COL4A3: variants seen among roughly 807,000 people sequenced by gnomAD.
The protein encoded by COL4A3 is collagen type IV alpha 3 chain.
COL4A3 carries 135 observed loss-of-function variants against 217.4 expected under a neutral mutation model. That is an observed-to-expected ratio of 0.62 (90% CI 0.54 to 0.72). The LOEUF is 0.72. Ranked by LOEUF, COL4A3 falls within the 30% of genes least tolerant of loss-of-function variation. The pLI is 0.00. For missense variants in COL4A3, 1,868 were observed against 2,119.9 expected (o/e 0.88, Z 2.33); for synonymous variants, 690 against 736.3 (o/e 0.94, Z 1.02).
intron 48 of COL4A3, among the ~76,000 whole-genome samples, chr2:227,308,160 C>A (rs1559922656): frequency 6.6e-6 from 1 of 152,104 alleles, no homozygotes; most frequent in East Asian, 1.9e-4. Context: ...AACAATTTGC[C>A]CCTAAAACTC....
chr2:227,290,179 T>C (rs1352289616), intron 36 of COL4A3, 91 bp downstream of exon 36: 5 of 1,254,238 alleles, frequency 4.0e-6, no homozygotes, highest in South Asian at 1.2e-5. Context: ...GGTTTTCCAC[T>C]TGGTAGAAAG....
intron 32 of COL4A3, among the ~76,000 whole-genome samples, 161 bp from the exon 33 acceptor site, chr2:227,283,606 G>T (rs956200913): frequency 6.6e-6 from 1 of 152,204 alleles, no homozygotes; most frequent in East Asian, 1.9e-4. Context: ...ACCACTTACC[G>T]ACCCATCTCC....
chr2:227,302,782 C>A (rs2073350379), intron 43 of COL4A3, among the ~76,000 whole-genome samples: 1 of 149,164 alleles, frequency 6.7e-6, no homozygotes, highest in Non-Finnish European at 1.5e-5. Context: ...ACAACATACA[C>A]CAACATTAGA....
rs773376814 is a variant in COL4A3, at chr2:227,267,092, C to A, written c.1504+4C>A. 6.8e-6 allele frequency: 11 copies of A among 1,609,238 alleles called. No individual in the cohort carries two copies. The Admixed American group carries it at 1.8e-4, about 27-fold the overall frequency. ...CATGGTGTAAAAGGAATCCCAGGTA[C>A]AAACAATTTGCATGCAAGTGTTTTT... is the stretch of plus-strand genomic sequence containing the variant. On this transcript the variant is annotated splice_donor_region_variant and intron_variant, in intron 23 of 51. Transcript: ENST00000396578.
At chr2:227,247,938 T>C (rs923261169) in intron 8 of COL4A3, among the ~76,000 whole-genome samples, 1 of 152,130 alleles carries the variant, frequency 6.6e-6, no homozygotes. Flanking sequence ...TTCTTTCCAC[T>C]GTAAATTTTT....
chr2:227,310,248 C>T (rs973064710), intron 50 of COL4A3, among the ~76,000 whole-genome samples: 9 of 152,106 alleles, frequency 5.9e-5, no homozygotes, highest in African/African-American at 1.4e-4. Context: ...CATAGCTGCA[C>T]GCAGGTGGTT....
rs772036695 is a variant in COL4A3, at chr2:227,303,946, T to C, written c.4027+16T>C. The C allele has an allele frequency of 6.2e-7, 1 of 1,614,248 alleles. No individual in the cohort carries two copies. ...GGACCACCTGGTAAATAAACGTCCT[T>C]ACTATTGCTGTCAATGAAGAAAGGT... On this transcript the variant is annotated intron_variant, in intron 45 of 51. Transcript: ENST00000396578.
At chr2:227,233,181 T>C (rs931963627) in intron 1 of COL4A3, among the ~76,000 whole-genome samples, 1 of 152,084 alleles carries the variant, frequency 6.6e-6, no homozygotes, top group Non-Finnish European at 1.5e-5. Flanking sequence ...ACCCTGCTAA[T>C]TTTTGTATTT....
In COL4A3 at chr2:227,251,127, T is replaced by C; in HGVS notation, c.547-13T>C. 6.2e-7 allele frequency: 1 copy of C among 1,600,322 alleles called. No homozygotes were observed. ...AAATTTAAACTTACTCTTATTCTTC[T>C]CTCAATTTCAAGGGTTTGCCAGGCC... is the stretch of plus-strand genomic sequence containing the variant. On this transcript the variant is annotated splice_polypyrimidine_tract_variant and intron_variant, in intron 9 of 51. Coordinates refer to ENST00000396578, the MANE Select transcript of COL4A3 (RefSeq NM_000091.5).
chr2:227,307,864 T>C lies in COL4A3; in HGVS notation c.4407T>C (p.Ser1469=), dbSNP rs373720128. 1.8e-5 allele frequency: 29 copies of C among 1,613,990 alleles called. No homozygotes were observed. In the African/African-American group the frequency reaches 3.5e-4, roughly 19 times the overall value. Residue 1469 remains serine, a synonymous_variant, in exon 48 of 52, where the codon AGT becomes AGC. Coordinates refer to ENST00000396578, the MANE Select transcript of COL4A3 (RefSeq NM_000091.5). Reference sequence around the variant, plus strand: ...CAGAGGGGACAGTGCCACTCTACAGTGGGTTTTCTTTTCTTTTTGTACAAG... The same window carrying C: ...CAGAGGGGACAGTGCCACTCTACAGCGGGTTTTCTTTTCTTTTTGTACAAG... The part of the protein sequence containing the change: ...SCPEGTVPLY[S]GFSFLFVQGN...
At position 227,277,480 on chromosome 2, in the gene COL4A3, T is replaced by G. The variant is rs2071651296; in HGVS notation, c.2052T>G (p.Asp684Glu). 3 of 1,612,886 alleles carry G rather than the reference T, an allele frequency of 1.9e-6. No individual in the cohort carries two copies. Among genetic ancestry groups the G allele is most frequent in the Middle Eastern group, 1.6e-4 (1 of 6,062 alleles). Residue 684 changes from aspartate (D) to glutamate (E), a missense_variant, in exon 28 of 52, where the codon GAT (aspartate) becomes GAG (glutamate). Asp to Glu is a conservative substitution (Grantham distance 45). Coordinates refer to ENST00000396578, the MANE Select transcript of COL4A3 (RefSeq NM_000091.5). Reference sequence around the variant, plus strand: ...CTGGATCCCTGGGGAAATGTGGAGATCCTGGTCTTCCAGGGCCTGATGGTG... The same window carrying G: ...CTGGATCCCTGGGGAAATGTGGAGAGCCTGGTCTTCCAGGGCCTGATGGTG... The part of the protein sequence containing the change: ...GIPGSLGKCG[D>E]PGLPGPDGEP...
intron 41 of COL4A3, 98 bp downstream of exon 41, chr2:227,295,414 T>G (rs776090852): frequency 3.1e-5 from 33 of 1,051,570 alleles, no homozygotes; most frequent in Admixed American, 5.1e-5. Flanking sequence ...CCTAGTGAAT[T>G]AAAGATGTTC....
Position 227,182,035 on chromosome 2 carries a change from T to C in COL4A3, c.87+17222T>C, listed in dbSNP as rs1053225355. ...AATCTAAAATATGATTTCCCATAAA[T>C]TGAAGATCTAATTTTTAAAAAATTT... On this transcript the variant is annotated intron_variant, in intron 1 of 51. Transcript: ENST00000396578. Among the ~76,000 whole-genome samples the C allele has an allele frequency of 2.0e-5, 3 of 152,222 alleles. 1 individual carries two copies. The highest frequency in any genetic ancestry group is 7.2e-5 in the African/African-American group (3 of 41,460).
Position 227,273,155 on chromosome 2 carries a change from A to G in COL4A3, c.1927+38A>G, listed in dbSNP as rs775052173. 13 of 1,609,610 alleles carry G rather than the reference A, an allele frequency of 8.1e-6. No individual in the cohort carries two copies. In the African/African-American group the frequency reaches 1.7e-4, roughly 21 times the overall value. On this transcript the variant is annotated intron_variant, in intron 26 of 51. Coordinates refer to ENST00000396578, the MANE Select transcript of COL4A3 (RefSeq NM_000091.5). ...TCTTTCCAGTCCTGTTTTCCGATGGAGTGGGTTGATGGTTTCTAGAGCTAA... is the reference window on the plus strand; with the variant it reads ...TCTTTCCAGTCCTGTTTTCCGATGGGGTGGGTTGATGGTTTCTAGAGCTAA...
In COL4A3 at chr2:227,297,784, C is replaced by A; in HGVS notation, c.3676C>A (p.Pro1226Thr). 1.3e-6 allele frequency: 2 copies of A among 1,584,358 alleles called. No individual in the cohort carries two copies. The highest frequency in any genetic ancestry group is 1.7e-6 in the Non-Finnish European group (2 of 1,165,110). Residue 1226 changes from proline to threonine, a missense_variant, in exon 42 of 52, where the codon CCA becomes ACA. By Grantham distance (38) the Pro-to-Thr change is conservative. Around this residue, in one of 2 missense-constraint regions of COL4A3, gnomAD observed 1,503 missense variants for 1,786.1 expected, o/e 0.84. Coordinates refer to ENST00000396578, the MANE Select transcript of COL4A3 (RefSeq NM_000091.5). ...CACAGGCATAGAAGGATTCCCAGGG[C>A]CACCAGGTCTGCCCGGTGCAATTAT... ...GPTGIEGFPG[P>T]PGLPGAIIPG...
intron 37 of COL4A3, among the ~76,000 whole-genome samples, chr2:227,292,264 C>T (rs1353281542): frequency 1.3e-5 from 2 of 152,148 alleles, no homozygotes; most frequent in African/African-American, 2.4e-5. Context: ...TTAGACACTA[C>T]ACAGACCCAA....
Position 227,284,209 on chromosome 2 carries a change from A to G in COL4A3, c.2747-2A>G. On this transcript the variant is annotated splice_acceptor_variant, in intron 33 of 51. Transcript: ENST00000396578. LOFTEE classifies it high-confidence loss of function. ...CCTGATGTTGTTACTCCTGTCTGTT[A>G]GGGAGCCCTGGAATTCCAGGAGTAA... 1.2e-6 allele frequency: 2 copies of G among 1,614,068 alleles called. No homozygotes were observed. The highest frequency in any genetic ancestry group is 1.7e-6 in the Non-Finnish European group (2 of 1,179,986).
rs1408584869 is a variant in COL4A3 at position 227,269,903 on chromosome 2, T to C, written c.1505-7T>C. On this transcript the variant is annotated splice_polypyrimidine_tract_variant and splice_region_variant and intron_variant, in intron 23 of 51. Coordinates refer to ENST00000396578, the MANE Select transcript of COL4A3 (RefSeq NM_000091.5). ...GAGGAGTTAGTTAATAATTCGTTGA[T>C]TTGCAGGAAGACAAGGCGCAGCTGG... 4.3e-6 allele frequency: 7 copies of C among 1,613,474 alleles called. No individual in the cohort carries two copies. The highest frequency in any genetic ancestry group is 5.9e-6 in the Non-Finnish European group (7 of 1,179,644).
chr2:227,245,147 G>T, intron 5 of COL4A3, 152 bp downstream of exon 5: 1 of 737,802 alleles, frequency 1.4e-6, no homozygotes, highest in East Asian at 2.6e-5. Context: ...CTAGTGTGTG[G>T]ATTTATATGA....
Sources: gnomAD v4.1 joint callset for allele counts (sites outside exome capture counted in the v4.1 genomes callset) on GRCh38, gnomAD v4.1.1 for gene constraint, gnomAD v4.1.1 regional missense constraint, MANE v1.5 for transcripts, NCBI Gene and HGNC (gene_info 2026-07-23, HGNC 2026-07-21) for gene names.